CLASP1: variants seen among roughly 807,000 people sequenced by gnomAD.
The protein encoded by CLASP1 is cytoplasmic linker associated protein 1.
A neutral mutation model predicts 192.3 loss-of-function variants in CLASP1; 38 were observed. That is an observed-to-expected ratio of 0.20 (90% CI 0.15 to 0.26). The LOEUF is 0.26. Among genes scored for constraint, CLASP1 ranks in the 10% least tolerant of loss-of-function variants. The probability of loss-of-function intolerance (pLI) is 1.00; values close to 1 mark genes in which losing one functional copy is unlikely to be tolerated. For synonymous variants in CLASP1, 691 were observed against 712.8 expected, an observed-to-expected ratio of 0.97 and a Z score of 0.49; for missense variants, 1,433 against 1,932.5, an observed-to-expected ratio of 0.74 and a Z score of 4.85.
intron 19 of CLASP1, among the ~76,000 whole-genome samples, chr2:121,444,702 C>A (rs1484271044): frequency 6.6e-6 from 1 of 152,154 alleles, no homozygotes; most frequent in Non-Finnish European, 1.5e-5. Context: ...CCACACGCAG[C>A]ATACTTTAGT....
chr2:121,531,236 A>G (rs1476094576), intron 2 of CLASP1, among the ~76,000 whole-genome samples: 1 of 152,184 alleles, frequency 6.6e-6, no homozygotes, highest in East Asian at 1.9e-4. Context: ...ATGCTGAGTC[A>G]GCCCAGTAGT....
chr2:121,578,334 A>C (rs1225875434), intron 2 of CLASP1, among the ~76,000 whole-genome samples: 1 of 150,198 alleles, frequency 6.7e-6, no homozygotes, highest in Non-Finnish European at 1.5e-5. Flanking sequence ...AGGTGAGAGG[A>C]TCACTTAAGG....
intron 35 of CLASP1, 107 bp downstream of exon 36, chr2:121,367,481 C>T: frequency 7.0e-7 from 1 of 1,432,916 alleles, no homozygotes; most frequent in Admixed American, 1.9e-5. Context: ...AAGAACAGAC[C>T]CAGCGTCTCC....
chr2:121,485,415 C>G (rs948555342), intron 8 of CLASP1, among the ~76,000 whole-genome samples: 4 of 152,206 alleles, frequency 2.6e-5, no homozygotes, highest in African/African-American at 4.8e-5. Context: ...CCTGGCCTAA[C>G]TGCAGATAAC....
In CLASP1 at chr2:121,448,862, T is replaced by C. The variant is rs765410409; in HGVS notation, c.1691+91A>G. The C allele has an allele frequency of 2.1e-4, 276 of 1,301,290 alleles. No individual in the cohort carries two copies. The Middle Eastern group carries it at 2.4e-3, about 12-fold the overall frequency. 80.6% of individuals were successfully genotyped at this position (1,301,290 alleles called of 1,614,324 possible). ...AAGGGGGCGTTTTAACAAGCACCCA[T>C]GTAAAAACATAGCTAGAATTTGTGT... On this transcript the variant is annotated intron_variant, in intron 17 of 39. Coordinates refer to ENST00000263710, the Ensembl canonical transcript of CLASP1.
intron 29 of CLASP1, among the ~76,000 whole-genome samples, 200 bp from the exon 31 acceptor site, chr2:121,397,483 AGGCACAT>A (rs1038513048): frequency 6.6e-6 from 1 of 152,200 alleles, no homozygotes; most frequent in African/African-American, 2.4e-5. Flanking sequence ...GGACAGGAAG[AGGCACAT>A]GGCTCAGTTT....
At chr2:121,445,494 A>T in intron 19 of CLASP1, 2 of 1,288,824 alleles carry the variant, frequency 1.6e-6, no homozygotes, top group Non-Finnish European at 2.0e-6. Context: ...ATGTGTCTGG[A>T]CTCTAGAAGT....
chr2:121,472,694 G>C (rs1337737224), intron 8 of CLASP1, among the ~76,000 whole-genome samples: 2 of 152,226 alleles, frequency 1.3e-5, no homozygotes, highest in Non-Finnish European at 2.9e-5. Flanking sequence ...TCACGTGTGT[G>C]AGTGAACTTC....
At chr2:121,394,723 T>C (rs2074984701) in intron 30 of CLASP1, among the ~76,000 whole-genome samples, 1 of 152,050 alleles carries the variant, frequency 6.6e-6, no homozygotes, top group African/African-American at 2.4e-5. Context: ...CTACTAAAAA[T>C]ACAAAAATTA....
intron 7 of CLASP1, among the ~76,000 whole-genome samples, chr2:121,507,010 C>A (rs2093966417): frequency 6.6e-6 from 1 of 152,102 alleles, no homozygotes; most frequent in African/African-American, 2.4e-5. Context: ...TTTCAAGTGT[C>A]CAGTTTCAAC....
chr2:121,496,244 T>C (rs187759020), intron 8 of CLASP1, among the ~76,000 whole-genome samples: 10 of 152,320 alleles, frequency 6.6e-5, no homozygotes, highest in African/African-American at 2.4e-4. Context: ...AAATGGGAGT[T>C]AGAAAGACAC....
intron 13 of CLASP1, 142 bp downstream of exon 13, chr2:121,458,698 A>G: frequency 1.7e-6 from 1 of 572,392 alleles, no homozygotes; most frequent in Non-Finnish European, 2.8e-6. Flanking sequence ...GGAAAAGATG[A>G]TATATATACA....
chr2:121,521,680 C>T (rs1269231413), intron 6 of CLASP1, among the ~76,000 whole-genome samples: 3 of 152,278 alleles, frequency 2.0e-5, no homozygotes, highest in East Asian at 1.9e-4. Context: ...ACCAAGGAAA[C>T]GAACACTTGC....
chr2:121,557,229 T>G lies in CLASP1; in HGVS notation c.196-26904A>C, dbSNP rs1200010449. ...CAGTTCAGATGATAAGTTTTGTTTGTGCCTTTCTTCACTCAGTAGATAGCT... is the reference window on the plus strand; with the variant it reads ...CAGTTCAGATGATAAGTTTTGTTTGGGCCTTTCTTCACTCAGTAGATAGCT... On this transcript the variant is annotated intron_variant, in intron 2 of 39. Coordinates refer to ENST00000263710, the Ensembl canonical transcript of CLASP1. 5.3e-5 allele frequency among the ~76,000 whole-genome samples: 8 copies of G among 152,320 alleles called. No individual in the cohort carries two copies. In the East Asian group the frequency reaches 1.5e-3, roughly 29 times the overall value.
intron 19 of CLASP1, among the ~76,000 whole-genome samples, chr2:121,432,188 C>T (rs1373881135): frequency 6.6e-6 from 1 of 152,168 alleles, no homozygotes; most frequent in Admixed American, 6.5e-5. Flanking sequence ...GTGACCTCGG[C>T]TTACTGCAAC....
intron 8 of CLASP1, among the ~76,000 whole-genome samples, chr2:121,492,931 C>T (rs910866749): frequency 1.3e-5 from 2 of 152,124 alleles, no homozygotes; most frequent in Non-Finnish European, 2.9e-5. Context: ...ATCCAACTGT[C>T]CATCAATAGA....
chr2:121,473,351 A>T (rs1030139835), intron 8 of CLASP1, among the ~76,000 whole-genome samples: 1 of 152,190 alleles, frequency 6.6e-6, no homozygotes, highest in African/African-American at 2.4e-5. Flanking sequence ...CAGACTAGAC[A>T]TTGTAGAAGT....
chr2:121,528,456 AC>A (rs1271977699), intron 4 of CLASP1, among the ~76,000 whole-genome samples: 2 of 152,172 alleles, frequency 1.3e-5, no homozygotes, highest in Non-Finnish European at 2.9e-5. Context: ...TAGATTCAAT[AC>A]CCCCATGTTA....
intron 8 of CLASP1, among the ~76,000 whole-genome samples, chr2:121,500,209 T>C (rs1001594916): frequency 1.3e-5 from 2 of 150,852 alleles, no homozygotes; most frequent in African/African-American, 4.9e-5. Flanking sequence ...AGTCAAAGGT[T>C]TGAAGTTCAA....
Sources: allele counts gnomAD v4.1 joint callset (sites outside exome capture counted in the v4.1 genomes callset), GRCh38; gene constraint gnomAD v4.1.1; transcripts MANE v1.5; gene names NCBI Gene and HGNC (gene_info 2026-07-23, HGNC 2026-07-21).